Variants in GRM8 observed in about 807,000 individuals in gnomAD.
The protein encoded by GRM8 is glutamate metabotropic receptor 8, also known as metabotropic glutamate receptor 8.
In GRM8, 47 loss-of-function variants were observed where a neutral mutation model predicts 87.2. The observed-to-expected ratio is 0.54, with a 90% confidence interval of 0.43 to 0.69. The LOEUF (loss-of-function observed/expected upper bound fraction) is 0.69, where lower values mean the gene tolerates loss of function less well. Ranked by LOEUF, GRM8 falls within the 30% of genes least tolerant of loss-of-function variation. GRM8 has a pLI of 0.00. For synonymous variants in GRM8, 396 were observed against 404.5 expected (o/e 0.98, Z 0.25); for missense variants, 1,019 against 1,139.2 (o/e 0.89, Z 1.52).
chr7:126,779,988 C>A (rs1343963786), intron 6 of GRM8, among the ~76,000 whole-genome samples: 1 of 152,166 alleles, frequency 6.6e-6, no homozygotes, highest in African/African-American at 2.4e-5. Context: ...CAATGTAAGG[C>A]ATCTGGCACC....
chr7:126,608,725 G>A (rs1425409843), intron 8 of GRM8, among the ~76,000 whole-genome samples: 4 of 151,114 alleles, frequency 2.6e-5, no homozygotes, highest in Non-Finnish European at 5.9e-5. Flanking sequence ...TAGCCAGAAG[G>A]TCTCCCCTTG....
chr7:127,016,631 C>T (rs909540597), intron 3 of GRM8, among the ~76,000 whole-genome samples: 10 of 152,022 alleles, frequency 6.6e-5, no homozygotes, highest in African/African-American at 2.2e-4. Context: ...TAAACCATTG[C>T]TCTTTCTCAA....
intron 3 of GRM8, among the ~76,000 whole-genome samples, chr7:126,997,507 T>A (rs1488706470): frequency 1.4e-4 from 20 of 140,126 alleles, no homozygotes; most frequent in Non-Finnish European, 4.7e-5. Flanking sequence ...TTGTTTTTTT[T>A]AAAGATAAGC....
intron 3 of GRM8, among the ~76,000 whole-genome samples, chr7:126,970,756 C>A (rs1319986742): frequency 6.6e-6 from 1 of 152,130 alleles, no homozygotes; most frequent in Non-Finnish European, 1.5e-5. Context: ...GCTTTCCTCA[C>A]CAAGCTTCAT....
chr7:127,188,437 C>G (rs1271653578), intron 2 of GRM8, among the ~76,000 whole-genome samples: 1 of 152,138 alleles, frequency 6.6e-6, no homozygotes, highest in African/African-American at 2.4e-5. Flanking sequence ...TACCCCATGC[C>G]GATGCCATGC....
chr7:127,238,313 T>TGA (rs1798097343), intron 2 of GRM8, among the ~76,000 whole-genome samples: 1 of 120,230 alleles, frequency 8.3e-6, no homozygotes, highest in South Asian at 2.6e-4. Context: ...TGCATGTGTG[T>TGA]GTGTGTGTGT....
chr7:126,617,869 A>C (rs549571642), intron 7 of GRM8, among the ~76,000 whole-genome samples: 123 of 152,336 alleles, frequency 8.1e-4, no homozygotes, highest in African/African-American at 3.0e-3. Context: ...TGCTCAACAA[A>C]ATAAAAGAGG....
rs779411604 is a variant in GRM8, at chr7:126,533,467, T to C, written c.1915A>G (p.Met639Val). ...IFLCYSITFL[M>V]IAAPDTIICS... Reference sequence around the variant, plus strand: ...ATGATTGTATCTGGTGCTGCAATCATTAAAAACGTGATTGAATAACAGAGA... The same window carrying C: ...ATGATTGTATCTGGTGCTGCAATCACTAAAAACGTGATTGAATAACAGAGA... Residue 639 changes from methionine to valine, a missense_variant, in exon 9 of 11, where the codon ATG becomes GTG. Coordinates refer to ENST00000339582, the MANE Select transcript of GRM8 (RefSeq NM_000845.3). The C allele has an allele frequency of 1.2e-5, 20 of 1,614,032 alleles. No homozygotes were observed. Among genetic ancestry groups the C allele is most frequent in the Non-Finnish European group, 1.5e-5 (18 of 1,179,986 alleles).
At chr7:127,200,317 T>C (rs1246992748) in intron 2 of GRM8, among the ~76,000 whole-genome samples, 1 of 152,206 alleles carries the variant, frequency 6.6e-6, no homozygotes, top group Non-Finnish European at 1.5e-5. Flanking sequence ...TTTTGGGAAC[T>C]CTTACATGTA....
At chr7:127,124,270 C>T (rs1827243115) in intron 2 of GRM8, among the ~76,000 whole-genome samples, 1 of 152,126 alleles carries the variant, frequency 6.6e-6, no homozygotes, top group Admixed American at 6.6e-5. Context: ...TGTCCCAGGG[C>T]TGTATTCAAA....
At chr7:127,031,986 T>C (rs1264771390) in intron 3 of GRM8, among the ~76,000 whole-genome samples, 1 of 152,138 alleles carries the variant, frequency 6.6e-6, no homozygotes, top group Non-Finnish European at 1.5e-5. Context: ...TATTCATATG[T>C]CTTGTCCTCC....
intron 7 of GRM8, among the ~76,000 whole-genome samples, chr7:126,643,321 T>A (rs1482926289): frequency 0.044 from 411 of 9,236 alleles, 12 homozygotes; most frequent in South Asian, 0.078. Flanking sequence ...AAAAAAAAAA[T>A]ATATATATAT....
chr7:126,612,216 GTGTT>G (rs1399791744), intron 7 of GRM8, among the ~76,000 whole-genome samples: 5 of 152,074 alleles, frequency 3.3e-5, no homozygotes, highest in African/African-American at 4.8e-5. Context: ...TGGAAATGTT[GTGTT>G]TGAGAGCCAC....
In GRM8 at chr7:126,920,490, C is replaced by T. The variant is rs149846945; in HGVS notation, c.728-15807G>A. Among the ~76,000 whole-genome samples, 551 of 152,154 alleles carry T rather than the reference C, an allele frequency of 3.6e-3. 4 individuals carry two copies. The highest frequency in any genetic ancestry group is 0.013 in the African/African-American group (520 of 41,520). ...CAGAATAGAAAAAGCTCAGTGAGAGCCCACAAGGAGTGGGGCTGGGGATGA... is the reference window on the plus strand; with the variant it reads ...CAGAATAGAAAAAGCTCAGTGAGAGTCCACAAGGAGTGGGGCTGGGGATGA... On this transcript the variant is annotated intron_variant, in intron 3 of 10. Transcript: ENST00000339582.
rs571137984 is a variant in GRM8 at position 127,129,082 on chromosome 7, C to T, written c.511-22370G>A. Among the ~76,000 whole-genome samples, 25 of 152,196 alleles carry T rather than the reference C, an allele frequency of 1.6e-4. No individual in the cohort carries two copies. The South Asian group carries it at 1.7e-3, about 10-fold the overall frequency. The stretch of plus-strand genomic sequence containing the variant: ...GATAAATTGGAATTATTTCTTCCTA[C>T]GAATAAATGATATGTAGGAATGTCT... On this transcript the variant is annotated intron_variant, in intron 2 of 10. Coordinates refer to ENST00000339582, the MANE Select transcript of GRM8 (RefSeq NM_000845.3).
At chr7:126,818,300 G>A (rs10239010) in intron 6 of GRM8, among the ~76,000 whole-genome samples, 59,056 of 151,914 alleles carry the variant, frequency 0.39, 12,671 homozygotes, top group Non-Finnish European at 0.48. Flanking sequence ...CGTAACTTGA[G>A]ATATTTAGTA....
chr7:126,941,462 T>A (rs1316591881), intron 3 of GRM8, among the ~76,000 whole-genome samples: 2,268 of 96,086 alleles, frequency 0.024, 51 homozygotes, highest in African/African-American at 0.075. Flanking sequence ...AAAAAAAAAA[T>A]ACAAAATATT....
chr7:126,998,005 G>A (rs1042928826), intron 3 of GRM8, among the ~76,000 whole-genome samples: 3 of 151,800 alleles, frequency 2.0e-5, no homozygotes, highest in East Asian at 1.9e-4. Context: ...TATCCCCGAC[G>A]AATGTTGATA....
intron 8 of GRM8, among the ~76,000 whole-genome samples, chr7:126,576,244 A>G (rs1795104257): frequency 6.6e-6 from 1 of 152,076 alleles, no homozygotes; most frequent in Non-Finnish European, 1.5e-5. Context: ...AGCAAACAAA[A>G]AGTCATTTTC....
Sources: gnomAD v4.1 joint callset for allele counts (sites outside exome capture counted in the v4.1 genomes callset) on GRCh38, gnomAD v4.1.1 for gene constraint, MANE v1.5 for transcripts, NCBI Gene and HGNC (gene_info 2026-07-23, HGNC 2026-07-21) for gene names.